The following THEMIS variants were observed in gnomAD, a reference collection of about 807,000 sequenced individuals.
THEMIS encodes thymocyte selection associated.
Under a neutral mutation model 52.6 loss-of-function variants are expected in THEMIS, and 37 were observed. The observed-to-expected ratio is 0.70, with a 90% CI of 0.54 to 0.93. The LOEUF is 0.93. THEMIS is among the 40% of genes least tolerant of loss of function. The pLI, the probability that THEMIS is intolerant of heterozygous loss-of-function variation, is 0.00. For missense variants in THEMIS, 808 were observed against 763.1 expected (o/e 1.06, Z -0.69); for synonymous variants, 292 against 272.7 (o/e 1.07, Z -0.70).
chr6:127,808,965 T>G (rs1330137024), intron 4 of THEMIS, among the ~76,000 whole-genome samples: 1 of 152,226 alleles, frequency 6.6e-6, no homozygotes, highest in Non-Finnish European at 1.5e-5. Flanking sequence ...GGGTGAATTT[T>G]AGATTCTTAC....
At chr6:127,840,425 A>G (rs1318646063) in intron 2 of THEMIS, among the ~76,000 whole-genome samples, 1 of 152,128 alleles carries the variant, frequency 6.6e-6, no homozygotes, top group Admixed American at 6.6e-5. Context: ...GTCTATATGT[A>G]TGCATGTGTA....
intron 4 of THEMIS, among the ~76,000 whole-genome samples, chr6:127,781,943 C>G (rs1776759227): frequency 6.6e-6 from 1 of 152,180 alleles, no homozygotes; most frequent in African/African-American, 2.4e-5. Flanking sequence ...ATTTGCTGCT[C>G]TCTTCAGAGC....
chr6:127,721,121 G>A (rs1250202594), intron 4 of THEMIS, among the ~76,000 whole-genome samples: 2 of 151,980 alleles, frequency 1.3e-5, no homozygotes, highest in Non-Finnish European at 1.5e-5. Flanking sequence ...CTAGCTGGCT[G>A]CAGATTGAAC....
intron 4 of THEMIS, among the ~76,000 whole-genome samples, chr6:127,734,913 ATGTG>A (rs67013117): frequency 0.017 from 1,770 of 106,174 alleles, 46 homozygotes; most frequent in Middle Eastern, 0.039. Context: ...ATATATATAT[ATGTG>A]TGTGTGTGTG....
At chr6:127,812,653 C>T (rs993341809) in intron 4 of THEMIS, among the ~76,000 whole-genome samples, 2 of 152,196 alleles carry the variant, frequency 1.3e-5, no homozygotes, top group African/African-American at 4.8e-5. Context: ...ATCCAAATGT[C>T]ATCTCTGCTA....
At chr6:127,790,306 ACCTGTGT>A (rs150769769) in intron 4 of THEMIS, among the ~76,000 whole-genome samples, 2,749 of 152,278 alleles carry the variant, frequency 0.018, 104 homozygotes, top group African/African-American at 0.063. Context: ...ACTGGTATAA[ACCTGTGT>A]CTCTCCAACA....
intron 1 of THEMIS, among the ~76,000 whole-genome samples, chr6:127,910,801 A>G (rs1583420246): frequency 1.3e-5 from 2 of 152,238 alleles, no homozygotes; most frequent in Admixed American, 1.3e-4. Flanking sequence ...TTATTAGCTA[A>G]ACTTCATACT....
intron 4 of THEMIS, among the ~76,000 whole-genome samples, chr6:127,773,199 A>G (rs1008127234): frequency 6.6e-6 from 1 of 152,238 alleles, no homozygotes; most frequent in African/African-American, 2.4e-5. Flanking sequence ...GTAGCTCTTT[A>G]TAACAGTCTC....
At chr6:127,702,615 TG>T in the THEMIS span, among the ~76,000 whole-genome samples, 4 of 126,262 alleles carry the variant, frequency 3.2e-5, no homozygotes, top group African/African-American at 1.1e-4. Flanking sequence ...GTGTCTAACC[TG>T]TTTTTTTTTT....
At chr6:127,794,520 G>C (rs9491874) in intron 4 of THEMIS, among the ~76,000 whole-genome samples, 1 of 152,092 alleles carries the variant, frequency 6.6e-6, no homozygotes, top group Non-Finnish European at 1.5e-5. Context: ...TTAATACAGG[G>C]TCTTAGTATG....
At chr6:127,808,133 A>G (rs149059139) in intron 4 of THEMIS, among the ~76,000 whole-genome samples, 16 of 152,326 alleles carry the variant, frequency 1.1e-4, no homozygotes, top group African/African-American at 3.8e-4. Context: ...TAAATGGCCA[A>G]ACAGAGTTAG....
At chr6:127,851,280 C>G (rs1445641367) in intron 2 of THEMIS, among the ~76,000 whole-genome samples, 1 of 151,340 alleles carries the variant, frequency 6.6e-6, no homozygotes. Context: ...AAACAATCTA[C>G]ACATTCAAGA....
At chr6:127,704,392 C>A (rs1773773593), downstream of THEMIS, among the ~76,000 whole-genome samples, 1 of 152,068 alleles carries the variant, frequency 6.6e-6, no homozygotes, top group African/African-American at 2.4e-5. Flanking sequence ...ATCTGTGGTA[C>A]TATGGGTATC....
At chr6:127,800,776 G>A (rs187934801) in intron 4 of THEMIS, among the ~76,000 whole-genome samples, 159 of 152,234 alleles carry the variant, frequency 1.0e-3, no homozygotes, top group Non-Finnish European at 1.9e-3. Flanking sequence ...CTCCTGTGCT[G>A]GATGCTTCCT....
intron 4 of THEMIS, among the ~76,000 whole-genome samples, chr6:127,751,412 C>T (rs1275831187): frequency 2.0e-5 from 3 of 151,536 alleles, no homozygotes; most frequent in Admixed American, 6.6e-5. Flanking sequence ...AATAATCAAT[C>T]ACAAAGAAAG....
intron 3 of THEMIS, among the ~76,000 whole-genome samples, chr6:127,826,302 T>C (rs907081116): frequency 9.9e-5 from 15 of 152,162 alleles, no homozygotes; most frequent in African/African-American, 3.6e-4. Flanking sequence ...AACATTAAAA[T>C]TATTTTTAAA....
downstream of THEMIS, among the ~76,000 whole-genome samples, chr6:127,707,385 T>A (rs192242092): frequency 2.6e-5 from 4 of 152,250 alleles, no homozygotes; most frequent in African/African-American, 9.6e-5. Context: ...TTACTCTGAA[T>A]GAGGTAGGAC....
At chr6:127,915,708 TG>T (rs2114541454) in intron 1 of THEMIS, among the ~76,000 whole-genome samples, 1 of 152,108 alleles carries the variant, frequency 6.6e-6, no homozygotes, top group South Asian at 2.1e-4. Flanking sequence ...AATGAGCAGC[TG>T]GGTGTGGTGG....
At chr6:127,863,082 C>T (rs773004373) in intron 1 of THEMIS, among the ~76,000 whole-genome samples, 1 of 152,056 alleles carries the variant, frequency 6.6e-6, no homozygotes, top group Non-Finnish European at 1.5e-5. Flanking sequence ...ATACAGAACC[C>T]CTCATTCAAT....
Sources: gnomAD v4.1 joint callset for allele counts (sites outside exome capture counted in the v4.1 genomes callset) on GRCh38, gnomAD v4.1.1 for gene constraint, MANE v1.5 for transcripts, NCBI Gene and HGNC (gene_info 2026-07-23, HGNC 2026-07-21) for gene names.